The following GRB14 variants were observed in gnomAD, a reference collection of about 807,000 sequenced individuals.
GRB14 encodes the protein growth factor receptor-bound protein 14.
GRB14 carries 38 observed loss-of-function variants against 69.1 expected under a neutral mutation model. The observed-to-expected ratio is 0.55, with a 90% CI of 0.42 to 0.72. GRB14 has a LOEUF of 0.72. Ranked by LOEUF, GRB14 falls within the 30% of genes least tolerant of loss-of-function variation. GRB14 has a pLI of 0.00. For synonymous variants in GRB14, 247 were observed against 241.3 expected (o/e 1.02, Z -0.22); for missense variants, 666 against 666.1 (o/e 1.00, Z 0.00).
rs938051000 is a variant in GRB14 at position 164,604,831 on chromosome 2, C to G, written c.324+14856G>C. Among the ~76,000 whole-genome samples the G allele has an allele frequency of 2.0e-5, 3 of 151,952 alleles. No homozygotes were observed. In the East Asian group the frequency reaches 5.8e-4, roughly 29 times the overall value. ...TAGGTAAATCCATACAAACAGAATG[C>G]AGATTTGTGGTTGCGAGGGGCCGAG... On this transcript the variant is annotated intron_variant, in intron 2 of 13. Transcript: ENST00000263915.
intron 8 of GRB14, among the ~76,000 whole-genome samples, chr2:164,508,013 T>C (rs1158258338): frequency 2.0e-5 from 3 of 152,238 alleles, no homozygotes; most frequent in Non-Finnish European, 2.9e-5. Flanking sequence ...ATTTGAGTCA[T>C]GCTTATTAAA....
At chr2:164,508,601 C>A in intron 7 of GRB14, 51 bp from the exon 8 acceptor site, 1 of 1,537,286 alleles carries the variant, frequency 6.5e-7, no homozygotes, top group Non-Finnish European at 9.0e-7. Context: ...TTGAAGGTAA[C>A]ACCTGTTGAA....
rs145987639 is a variant in GRB14, at chr2:164,550,210, T to A, written c.325-2394A>T. On this transcript the variant is annotated intron_variant, in intron 2 of 13. Coordinates refer to ENST00000263915, the MANE Select transcript of GRB14 (RefSeq NM_004490.3). ...CACTTCCTGGCCCATGAAAATCTCC[T>A]ACATATTGTCCTCCATTGCTTTTTG... 5.1e-3 allele frequency among the ~76,000 whole-genome samples: 782 copies of A among 152,302 alleles called. 2 individuals are homozygous for A. The highest frequency in any genetic ancestry group is 8.4e-3 in the Non-Finnish European group (569 of 68,018).
rs183008136 is a variant in GRB14, at chr2:164,547,622, A to G, written c.481+38T>C. The G allele has an allele frequency of 2.5e-5, 38 of 1,536,830 alleles. No homozygotes were observed. The Admixed American group carries it at 5.7e-4, about 23-fold the overall frequency. On this transcript the variant is annotated intron_variant, in intron 3 of 13. Coordinates refer to ENST00000263915, the MANE Select transcript of GRB14 (RefSeq NM_004490.3). ...CAAGAGGGAGCTGAACAAGAAATAG[A>G]AAAGCAATGATGTGAGACAATAACT...
At chr2:164,510,463 A>G (rs1214421029) in intron 6 of GRB14, among the ~76,000 whole-genome samples, 2 of 152,200 alleles carry the variant, frequency 1.3e-5, no homozygotes, top group Non-Finnish European at 2.9e-5. Context: ...TCATGACCAC[A>G]TCTTTAAGAT....
chr2:164,595,301 C>G (rs1239897147), intron 2 of GRB14, among the ~76,000 whole-genome samples: 3 of 152,162 alleles, frequency 2.0e-5, no homozygotes, highest in Non-Finnish European at 2.9e-5. Flanking sequence ...GACACAATCC[C>G]TATTCTCAAC....
chr2:164,511,456 C>T (rs1687336430), intron 6 of GRB14, among the ~76,000 whole-genome samples: 1 of 152,232 alleles, frequency 6.6e-6, no homozygotes, highest in African/African-American at 2.4e-5. Flanking sequence ...AGTTGTGAGG[C>T]CCCTATTCAG....
intron 6 of GRB14, among the ~76,000 whole-genome samples, chr2:164,515,048 G>A (rs879940738): frequency 4.6e-5 from 7 of 152,102 alleles, no homozygotes; most frequent in Non-Finnish European, 7.4e-5. Context: ...TACAGCAGCC[G>A]CAGCAAGCCC....
At chr2:164,619,932 CATATT>C in intron 1 of GRB14, 113 bp from the exon 2 acceptor site, 2 of 812,056 alleles carry the variant, frequency 2.5e-6, no homozygotes, top group Non-Finnish European at 4.1e-6. Flanking sequence ...TGACAAGGCT[CATATT>C]ATATAAAGTA....
chr2:164,569,360 C>A (rs1689069829), intron 2 of GRB14, among the ~76,000 whole-genome samples: 1 of 152,080 alleles, frequency 6.6e-6, no homozygotes, highest in South Asian at 2.1e-4. Context: ...AAGAAACACT[C>A]AAAAATGACA....
Position 164,497,254 on chromosome 2 carries a change from G to T in GRB14, c.1251C>A (p.His417Gln). The change falls in exon 11 of 14, where the codon CAC (histidine) becomes CAA (glutamine). Residue 417 changes from histidine to glutamine, a missense_variant. Coordinates refer to ENST00000263915, the MANE Select transcript of GRB14 (RefSeq NM_004490.3). ...TCTGTGAAGAGGCAGTGGGGCTACC[G>T]TGAGTGCCCAGGCGTAAACATCCTT... The part of the protein sequence containing the change: ...RKKGCLRLGT[H>Q]GSPTASSQSS... 1 of 1,613,714 alleles carries T rather than the reference G, an allele frequency of 6.2e-7. No homozygotes were observed. The highest frequency in any genetic ancestry group is 1.1e-5 in the South Asian group (1 of 91,034).
At chr2:164,602,358 T>C (rs1689937212) in intron 2 of GRB14, among the ~76,000 whole-genome samples, 1 of 152,150 alleles carries the variant, frequency 6.6e-6, no homozygotes, top group Admixed American at 6.5e-5. Context: ...AGAGAGATGA[T>C]TACTGAAATT....
rs1689185962 is a variant in GRB14, at chr2:164,574,077, ACT to A, written c.325-26263_325-26262del. 3 of 957,626 alleles carry A rather than the reference ACT, an allele frequency of 3.1e-6. No individual in the cohort carries two copies. The Admixed American group carries it at 6.1e-5, about 19-fold the overall frequency. 59.3% of individuals were successfully genotyped at this position (957,626 alleles called of 1,614,324 possible). A position where few individuals can be genotyped will look rare whatever the true frequency, so the allele number is the denominator to read the frequency against. On this transcript the variant is annotated intron_variant, in intron 2 of 13. Transcript: ENST00000263915. ...TAGATCTTCAGAGGTAAATTCAGAAACTCTGGTTTTACCAGCTCATCATACTC... is the reference window on the plus strand; with the variant it reads ...TAGATCTTCAGAGGTAAATTCAGAAACTGGTTTTACCAGCTCATCATACTC...
At chr2:164,548,657 A>G (rs1447334652) in intron 2 of GRB14, among the ~76,000 whole-genome samples, 4 of 152,178 alleles carry the variant, frequency 2.6e-5, no homozygotes, top group Non-Finnish European at 2.9e-5. Flanking sequence ...GAATGACCGT[A>G]TCAATCCACA....
At chr2:164,596,652 T>C (rs2105349377) in intron 2 of GRB14, among the ~76,000 whole-genome samples, 1 of 152,330 alleles carries the variant, frequency 6.6e-6, no homozygotes, top group Non-Finnish European at 1.5e-5. Flanking sequence ...TAGTTTAGAA[T>C]GGCTACAGTA....
intron 2 of GRB14, among the ~76,000 whole-genome samples, chr2:164,576,050 A>T (rs1574325125): frequency 6.6e-6 from 1 of 152,198 alleles, no homozygotes; most frequent in Non-Finnish European, 1.5e-5. Context: ...TGTTCATAAG[A>T]ATAGGCAAAA....
intron 3 of GRB14, among the ~76,000 whole-genome samples, chr2:164,546,791 C>A (rs946733242): frequency 7.2e-5 from 11 of 152,126 alleles, no homozygotes; most frequent in African/African-American, 2.7e-4. Flanking sequence ...GGCAGGACAA[C>A]CATTCCCAGC....
Position 164,619,680 on chromosome 2 carries a change from T to G in GRB14, c.324+7A>C, listed in dbSNP as rs554013004. 21 of 1,571,436 alleles carry G rather than the reference T, an allele frequency of 1.3e-5. No homozygotes were observed. The South Asian group carries it at 2.3e-4, about 17-fold the overall frequency. On this transcript the variant is annotated splice_region_variant and intron_variant, in intron 2 of 13. Coordinates refer to ENST00000263915, the MANE Select transcript of GRB14 (RefSeq NM_004490.3). ...ATTTTTGAAATTTAAAATTTAAAAA[T>G]GCATACCTGTTTTTTCCTTGAATTT...
chr2:164,570,783 C>T (rs1255992570), intron 2 of GRB14, among the ~76,000 whole-genome samples: 3 of 152,112 alleles, frequency 2.0e-5, no homozygotes, highest in Non-Finnish European at 4.4e-5. Flanking sequence ...ATAAAATGAA[C>T]GCTTCAATTC....
Sources: allele counts gnomAD v4.1 joint callset (sites outside exome capture counted in the v4.1 genomes callset), GRCh38; gene constraint gnomAD v4.1.1; transcripts MANE v1.5; gene names NCBI Gene and HGNC (gene_info 2026-07-23, HGNC 2026-07-21).